The following COL4A2 variants were observed in gnomAD, a reference collection of about 807,000 sequenced individuals.
The protein encoded by COL4A2 is collagen alpha-2(IV) chain.
In COL4A2, 99 loss-of-function variants were observed where a neutral mutation model predicts 200.2. The observed-to-expected ratio is 0.49, with a 90% CI of 0.42 to 0.58. COL4A2 has a LOEUF of 0.58. Among genes scored for constraint, COL4A2 ranks in the 20% least tolerant of loss-of-function variants. The probability of loss-of-function intolerance (pLI) is 0.00; values close to 1 mark genes in which losing one functional copy is unlikely to be tolerated. For synonymous variants in COL4A2, 897 were observed against 900.6 expected, an observed-to-expected ratio of 1.00 and a Z score of 0.07; for missense variants, 1,950 against 2,314.1, an observed-to-expected ratio of 0.84 and a Z score of 3.23.
intron 3 of COL4A2, among the ~76,000 whole-genome samples, chr13:110,323,073 C>T (rs1885317208): frequency 6.6e-6 from 1 of 152,252 alleles, no homozygotes; most frequent in Admixed American, 6.5e-5. Context: ...CACTGTTGCA[C>T]AGTCTAGGAG....
chr13:110,462,414 T>A, intron 24 of COL4A2, 30 bp downstream of exon 24: 1 of 1,605,782 alleles, frequency 6.2e-7, no homozygotes, highest in Non-Finnish European at 8.5e-7. Flanking sequence ...GGCAGCTCCG[T>A]CCTCTCTTCT....
intron 10 of COL4A2, among the ~76,000 whole-genome samples, chr13:110,431,302 A>G (rs1451188379): frequency 6.6e-6 from 1 of 152,236 alleles, no homozygotes; most frequent in Non-Finnish European, 1.5e-5. Context: ...CAAGACTGAG[A>G]CAAGCTATCA....
chr13:110,313,947 T>C (rs892473890), intron 3 of COL4A2, among the ~76,000 whole-genome samples: 1 of 152,236 alleles, frequency 6.6e-6, no homozygotes, highest in African/African-American at 2.4e-5. Flanking sequence ...CTTCACTGTC[T>C]TCTGTTGCCT....
intron 3 of COL4A2, among the ~76,000 whole-genome samples, chr13:110,316,698 A>G (rs1205213510): frequency 6.6e-6 from 1 of 152,176 alleles, no homozygotes; most frequent in Non-Finnish European, 1.5e-5. Context: ...TAAGCCACGG[A>G]TGGTTCACAG....
intron 4 of COL4A2, 119 bp downstream of exon 4, chr13:110,357,671 C>G: frequency 1.4e-6 from 2 of 1,407,394 alleles, no homozygotes; most frequent in Admixed American, 2.1e-5. Flanking sequence ...CTTGAACATA[C>G]TGGAGAGTAC....
chr13:110,486,461 C>T (rs76727236), intron 34 of COL4A2, among the ~76,000 whole-genome samples: 2 of 152,196 alleles, frequency 1.3e-5, no homozygotes, highest in East Asian at 1.9e-4. Flanking sequence ...CCATAGATTC[C>T]GTTTCCTAGA....
At chr13:110,431,540 C>G (rs528894211) in intron 10 of COL4A2, among the ~76,000 whole-genome samples, 5 of 152,310 alleles carry the variant, frequency 3.3e-5, no homozygotes, top group Admixed American at 6.5e-5. Flanking sequence ...GTCAAGGTGG[C>G]TGAAATCAGG....
chr13:110,372,252 A>G (rs1878045284), intron 4 of COL4A2, among the ~76,000 whole-genome samples: 2 of 152,206 alleles, frequency 1.3e-5, no homozygotes, highest in African/African-American at 2.4e-5. Flanking sequence ...GGGTGGGATC[A>G]AGCACAAAGA....
intron 4 of COL4A2, among the ~76,000 whole-genome samples, chr13:110,401,471 C>T (rs1053322433): frequency 3.9e-5 from 6 of 152,148 alleles, no homozygotes; most frequent in African/African-American, 1.2e-4. Context: ...TGTTTGCCTA[C>T]CCAGGGGAAC....
At chr13:110,393,394 G>A (rs1012126949) in intron 4 of COL4A2, among the ~76,000 whole-genome samples, 19 of 152,082 alleles carry the variant, frequency 1.2e-4, no homozygotes, top group Admixed American at 6.5e-5. Context: ...ATTATGTTAG[G>A]ACTCCTATTT....
Position 110,424,842 on chromosome 13 carries a change from G to A in COL4A2, c.289G>A (p.Gly97Arg), listed in dbSNP as rs531542947. The part of the protein sequence containing the change: ...KGDKGERGAP[G>R]VTGPKGDVGA... ...AGACAAGGGTGAAAGGGGAGCCCCC[G>A]GAGTAACGGGACCCAAGGGCGACGT... The change falls in exon 5 of 48, where the codon GGA becomes AGA. Residue 97 changes from glycine (G) to arginine (R), a missense_variant. Around this residue, in one of 2 missense-constraint regions of COL4A2, gnomAD observed 565 missense variants for 593.5 expected, o/e 0.95. Coordinates refer to ENST00000360467, the MANE Select transcript of COL4A2 (RefSeq NM_001846.4). 38 of 1,614,124 alleles carry A rather than the reference G, an allele frequency of 2.4e-5. No homozygotes were observed. The highest frequency in any genetic ancestry group is 2.0e-4 in the East Asian group (9 of 44,860).
At chr13:110,377,856 A>G (rs1297203088) in intron 4 of COL4A2, among the ~76,000 whole-genome samples, 1 of 152,254 alleles carries the variant, frequency 6.6e-6, no homozygotes, top group Non-Finnish European at 1.5e-5. Context: ...TATCACAAGT[A>G]TATTTCAACA....
In COL4A2 at chr13:110,503,367, CTT is replaced by C. The variant is rs1566571203; in HGVS notation, c.4040-15_4040-14del. ...CCACAGACTTTCGTGTCCCTAACGT[CTT>C]GTTTGTGTTGCAGGGCCCAGGGGTG... On this transcript the variant is annotated splice_polypyrimidine_tract_variant and intron_variant, in intron 42 of 47. Coordinates refer to ENST00000360467, the MANE Select transcript of COL4A2 (RefSeq NM_001846.4). The C allele has an allele frequency of 6.3e-7, 1 of 1,593,294 alleles. No individual in the cohort carries two copies. The highest frequency in any genetic ancestry group is 8.5e-7 in the Non-Finnish European group (1 of 1,170,702).
chr13:110,439,915 G>T, intron 16 of COL4A2, 82 bp downstream of exon 16: 1 of 1,536,184 alleles, frequency 6.5e-7, no homozygotes, highest in South Asian at 1.3e-5. Context: ...TGGCATCTCA[G>T]GAAAGAAAAT....
chr13:110,497,001 C>T (rs865984562), intron 40 of COL4A2, among the ~76,000 whole-genome samples: 2 of 151,280 alleles, frequency 1.3e-5, no homozygotes, highest in East Asian at 1.9e-4. Flanking sequence ...GGTCAGTCCA[C>T]CAGCACAGCC....
At chr13:110,492,323 G>A (rs1883311713) in intron 38 of COL4A2, 146 bp downstream of exon 38, 1 of 684,028 alleles carries the variant, frequency 1.5e-6, no homozygotes, top group Non-Finnish European at 2.5e-6. Flanking sequence ...ACGGTGGTCT[G>A]CACCAACATA....
chr13:110,377,960 G>A (rs1167638486), intron 4 of COL4A2, among the ~76,000 whole-genome samples: 1 of 152,216 alleles, frequency 6.6e-6, no homozygotes, highest in Admixed American at 6.5e-5. Flanking sequence ...GGAAAAGTGA[G>A]TGGTTTGCTC....
intron 28 of COL4A2, among the ~76,000 whole-genome samples, chr13:110,472,269 C>T (rs1244354850): frequency 6.6e-6 from 1 of 152,062 alleles, no homozygotes; most frequent in Admixed American, 6.5e-5. Flanking sequence ...GCATCCGCCA[C>T]CACACCTGGC....
At chr13:110,497,984 C>T (rs1002294382) in intron 40 of COL4A2, among the ~76,000 whole-genome samples, 5 of 150,406 alleles carry the variant, frequency 3.3e-5, no homozygotes, top group East Asian at 2.0e-4. Flanking sequence ...GTCAGTCCAC[C>T]AGCACAGCCT....
Sources: gnomAD v4.1 joint callset for allele counts (sites outside exome capture counted in the v4.1 genomes callset) on GRCh38, gnomAD v4.1.1 for gene constraint, gnomAD v4.1.1 regional missense constraint, MANE v1.5 for transcripts, NCBI Gene and HGNC (gene_info 2026-07-23, HGNC 2026-07-21) for gene names.